CCDC50: variants seen among roughly 807,000 people sequenced by gnomAD.
CCDC50 encodes coiled-coil domain containing 50.
Under a neutral mutation model 70.2 loss-of-function variants are expected in CCDC50, and 54 were observed. The ratio of observed to expected loss-of-function variants is 0.77; its 90% CI spans 0.62 to 0.96. The LOEUF is 0.96. CCDC50 is among the 50% of genes least tolerant of loss of function. The pLI is 0.00. For synonymous variants in CCDC50, 216 were observed against 198.8 expected, an observed-to-expected ratio of 1.09 and a Z score of -0.73; for missense variants, 558 against 578.7, an observed-to-expected ratio of 0.96 and a Z score of 0.37.
Position 191,369,941 on chromosome 3 carries a change from A to G in CCDC50, c.353A>G (p.Glu118Gly), listed in dbSNP as rs753554570. ...KDEDIARLLQ[E>G]KELQEEKKRK... ...CAGGACATAGCTCGCCTTTTGCAAG[A>G]AAAGGAGTTACAGGAAGAGAAAAAG... The change falls in exon 5 of 12, where the codon GAA (glutamate) becomes GGA (glycine). Residue 118 changes from glutamate (E) to glycine (G), a missense_variant. Physicochemically the swap from Glu to Gly is moderately conservative, Grantham distance 98 (BLOSUM62 -2). Coordinates refer to ENST00000392455, the MANE Select transcript of CCDC50 (RefSeq NM_178335.3). 9 of 1,612,878 alleles carry G rather than the reference A, an allele frequency of 5.6e-6. No individual in the cohort carries two copies. In the Admixed American group the frequency reaches 1.5e-4, roughly 27 times the overall value.
Position 191,391,838 on chromosome 3 carries a change from CT to C in CCDC50, c.*85del, listed in dbSNP as rs2108679393. On this transcript the variant is annotated 3_prime_UTR_variant, in exon 12 of 12. Transcript: ENST00000392455. The stretch of plus-strand genomic sequence containing the variant: ...TGATACAGAATGAATTCTACACTTA[CT>C]TTTTTTCTCCTGTGTTTGCATTCCT... 7 of 1,307,686 alleles carry C rather than the reference CT, an allele frequency of 5.4e-6. No homozygotes were observed. The highest frequency in any genetic ancestry group is 6.6e-6 in the Non-Finnish European group (6 of 912,792). 81.0% of individuals were successfully genotyped at this position (1,307,686 alleles called of 1,614,324 possible).
At chr3:191,361,471 C>G (rs748222265) in intron 4 of CCDC50, among the ~76,000 whole-genome samples, 1 of 152,210 alleles carries the variant, frequency 6.6e-6, no homozygotes, top group Non-Finnish European at 1.5e-5. Context: ...GGCTAGAAGT[C>G]TAAAATCTGA....
rs114556293 is a variant in CCDC50 at position 191,376,106 on chromosome 3, C to T, written c.976+517C>T. Among the ~76,000 whole-genome samples the T allele has an allele frequency of 6.3e-3, 959 of 152,172 alleles. 11 individuals are homozygous for T. Among genetic ancestry groups the T allele is most frequent in the African/African-American group, 0.022 (898 of 41,500 alleles). ...AGAAAGTATTTTTCAAATAATATGC[C>T]TCAGTTCATTTTCATCAGAATCAGC... On this transcript the variant is annotated intron_variant, in intron 6 of 11. Transcript: ENST00000392455.
chr3:191,368,881 T>C (rs1712796199), intron 4 of CCDC50, among the ~76,000 whole-genome samples: 1 of 152,100 alleles, frequency 6.6e-6, no homozygotes, highest in South Asian at 2.1e-4. Context: ...GGCTATTTTA[T>C]GGGGCTTTCA....
At chr3:191,370,353 A>C (rs1047548150) in intron 5 of CCDC50, 1 of 312,666 alleles carries the variant, frequency 3.2e-6, no homozygotes, top group Non-Finnish European at 6.2e-6. Flanking sequence ...GCCTAATGCT[A>C]TCCCTCCCCC....
chr3:191,365,800 C>G (rs143179942), intron 4 of CCDC50, among the ~76,000 whole-genome samples: 1 of 152,266 alleles, frequency 6.6e-6, no homozygotes, highest in African/African-American at 2.4e-5. Context: ...AAGTAACTCT[C>G]TATCCCTTAT....
chr3:191,364,425 CTTGG>C (rs1285486870), intron 4 of CCDC50, among the ~76,000 whole-genome samples: 1 of 150,542 alleles, frequency 6.6e-6, no homozygotes, highest in Non-Finnish European at 1.5e-5. Context: ...GTAGAGTCTA[CTTGG>C]TTAATAAGGA....
At chr3:191,370,251 A>G (rs1712856942) in intron 5 of CCDC50, 1 of 435,218 alleles carries the variant, frequency 2.3e-6, no homozygotes, top group Non-Finnish European at 4.3e-6. Context: ...TTTAGGGTAC[A>G]TGTGCACAAC....
In CCDC50 at chr3:191,393,262, T is replaced by C. The variant is rs1310768765; in HGVS notation, c.*1502T>C. The C allele has an allele frequency of 1.3e-5, 2 of 152,164 alleles. No individual in the cohort carries two copies. The highest frequency in any genetic ancestry group is 4.1e-4 in the South Asian group (2 of 4,828). 9.4% of individuals were successfully genotyped at this position (152,164 alleles called of 1,614,324 possible). ...TCTCCCCCCCATGTACACATATATA[T>C]ATCCCTTCAGCTTGACTTGCTATTA... is the stretch of plus-strand genomic sequence containing the variant. On this transcript the variant is annotated 3_prime_UTR_variant, in exon 12 of 12. Coordinates refer to ENST00000392455, the MANE Select transcript of CCDC50 (RefSeq NM_178335.3).
intron 2 of CCDC50, among the ~76,000 whole-genome samples, 170 bp from the exon 3 acceptor site, chr3:191,357,828 A>G (rs978880770): frequency 2.0e-5 from 3 of 152,180 alleles, no homozygotes; most frequent in African/African-American, 7.2e-5. Flanking sequence ...ACTTAATGGA[A>G]AAGTGGGGAT....
In CCDC50 at chr3:191,381,588, G is replaced by C. The variant is rs115480731; in HGVS notation, c.1242+656G>C. On this transcript the variant is annotated intron_variant, in intron 9 of 11. Coordinates refer to ENST00000392455, the MANE Select transcript of CCDC50 (RefSeq NM_178335.3). ...TGACAGCGCGTAAGACAACACTTTG[G>C]ACCTCCATGGAAAGACAAAGACATT... 1.5e-3 allele frequency among the ~76,000 whole-genome samples: 230 copies of C among 152,224 alleles called. 3 individuals are homozygous for C. Among genetic ancestry groups the C allele is most frequent in the African/African-American group, 5.4e-3 (224 of 41,556 alleles).
chr3:191,371,727 AT>A (rs1215616874), intron 5 of CCDC50, among the ~76,000 whole-genome samples: 3 of 152,186 alleles, frequency 2.0e-5, no homozygotes, highest in Non-Finnish European at 4.4e-5. Context: ...ATTGCTTGAT[AT>A]GTTCTTCCTC....
At position 191,329,942 on chromosome 3, in the gene CCDC50, TGGG is replaced by T. The variant is rs34226642; in HGVS notation, c.49+231_49+233del. The stretch of plus-strand genomic sequence containing the variant: ...GCCCGTTTTTTCTCAAGGGGGTGGT[TGGG>T]GGGGGGGGGGGCTAGCAGCAGCCCC... On this transcript the variant is annotated intron_variant, in intron 1 of 11. Coordinates refer to ENST00000392455, the MANE Select transcript of CCDC50 (RefSeq NM_178335.3). Among the ~76,000 whole-genome samples, 23,322 of 103,008 alleles carry T rather than the reference TGGG, an allele frequency of 0.23. 3,460 individuals carry two copies. The highest frequency in any genetic ancestry group is 0.4 in the African/African-American group (13,287 of 33,300). The allele number at this position is 103,008 out of a possible 152,430, so 67.6% of individuals were successfully genotyped here.
intron 4 of CCDC50, among the ~76,000 whole-genome samples, chr3:191,368,404 G>A (rs886492839): frequency 1.3e-5 from 2 of 151,992 alleles, no homozygotes; most frequent in Non-Finnish European, 2.9e-5. Context: ...ACGTATATAT[G>A]TGTCAGTTAA....
intron 6 of CCDC50, among the ~76,000 whole-genome samples, chr3:191,378,608 G>C (rs1277383111): frequency 1.3e-5 from 2 of 152,060 alleles, no homozygotes; most frequent in Admixed American, 1.3e-4. Flanking sequence ...ACATTGCCCA[G>C]TACTGAGTTC....
intron 1 of CCDC50, 92 bp downstream of exon 1, chr3:191,329,815 G>C: frequency 1.4e-6 from 2 of 1,387,830 alleles, no homozygotes; most frequent in Non-Finnish European, 2.0e-6. Flanking sequence ...CGGCTCCCGC[G>C]GCCCTCGCCC....
chr3:191,361,042 A>G, intron 3 of CCDC50, 27 bp from the exon 4 acceptor site: 5 of 1,476,006 alleles, frequency 3.4e-6, no homozygotes, highest in Non-Finnish European at 4.7e-6. Context: ...TATTTTCCTT[A>G]TTCATGTTTT....
chr3:191,397,667 C>T lies in CCDC50; in HGVS notation c.*5907C>T, dbSNP rs909704612. 3.5e-5 allele frequency: 5 copies of T among 144,692 alleles called. No individual in the cohort carries two copies. Among genetic ancestry groups the T allele is most frequent in the Admixed American group, 6.7e-5 (1 of 14,850 alleles). 9.0% of individuals were successfully genotyped at this position (144,692 alleles called of 1,614,324 possible). A position where few individuals can be genotyped will look rare whatever the true frequency, so the allele number is the denominator to read the frequency against. ...TATCATTTGTCTCATAATTTAGAAA[C>T]GTGATCTCTTGAGAGAGAGACTACG... On this transcript the variant is annotated 3_prime_UTR_variant, in exon 12 of 12. Transcript: ENST00000392455.
chr3:191,363,904 G>T (rs1403429963), intron 4 of CCDC50, among the ~76,000 whole-genome samples: 1 of 152,092 alleles, frequency 6.6e-6, no homozygotes, highest in Non-Finnish European at 1.5e-5. Flanking sequence ...GAAAATTTGC[G>T]TGAGTAAAGT....
Sources: allele counts gnomAD v4.1 joint callset (sites outside exome capture counted in the v4.1 genomes callset), GRCh38; gene constraint gnomAD v4.1.1; transcripts MANE v1.5; gene names NCBI Gene and HGNC (gene_info 2026-07-23, HGNC 2026-07-21).